MLLT10: variants seen among roughly 807,000 people sequenced by gnomAD.
The protein encoded by MLLT10 is MLLT10 histone lysine methyltransferase DOT1L cofactor, also known as protein AF-10.
A neutral mutation model predicts 129.1 loss-of-function variants in MLLT10; 30 were observed. The observed-to-expected ratio is 0.23, with a 90% CI of 0.17 to 0.32. The LOEUF (loss-of-function observed/expected upper bound fraction) is 0.32. MLLT10 is among the 10% of genes least tolerant of loss of function. The pLI, the probability that MLLT10 is intolerant of heterozygous loss-of-function variation, is 1.00. For missense variants in MLLT10, 1,119 were observed against 1,268.3 expected (o/e 0.88, Z 1.79); for synonymous variants, 490 against 446.4 (o/e 1.10, Z -1.23).
intron 8 of MLLT10, among the ~76,000 whole-genome samples, chr10:21,621,537 G>A (rs1194550525): frequency 2.6e-5 from 4 of 152,020 alleles, no homozygotes; most frequent in Non-Finnish European, 5.9e-5. Flanking sequence ...GAGCTACCGC[G>A]CCCAGCCAAG....
chr10:21,624,914 A>G, intron 8 of MLLT10: 1 of 1,304,046 alleles, frequency 7.7e-7, no homozygotes, highest in South Asian at 1.4e-5. Context: ...GTGAATAGCC[A>G]GCTCTACCTC....
At position 21,534,479 on chromosome 10, in the gene MLLT10, G is replaced by C. The variant is rs1233424856; in HGVS notation, c.-42G>C. ...GGGAATCAGCAAGGACATGGCTCCT[G>C]ACTCCTGTGCGGAACGTGAGTGACT... On this transcript the variant is annotated 5_prime_UTR_variant, in exon 1 of 23. Transcript: ENST00000307729. The C allele has an allele frequency of 3.0e-5, 19 of 641,168 alleles. No individual in the cohort carries two copies. The highest frequency in any genetic ancestry group is 9.3e-5 in the East Asian group (3 of 32,288). The allele number at this position is 641,168 out of a possible 1,614,324, so 39.7% of individuals were successfully genotyped here.
intron 4 of MLLT10, among the ~76,000 whole-genome samples, chr10:21,592,133 C>A (rs1425789756): frequency 6.6e-6 from 1 of 152,122 alleles, no homozygotes; most frequent in Non-Finnish European, 1.5e-5. Context: ...ATTCACAAAC[C>A]CTACCAGTGT....
intron 3 of MLLT10, chr10:21,556,577 G>T: frequency 7.8e-7 from 1 of 1,285,092 alleles, no homozygotes; most frequent in Non-Finnish European, 1.1e-6. Flanking sequence ...CAGTTTTCTA[G>T]GGCAGGTGAG....
intron 9 of MLLT10, among the ~76,000 whole-genome samples, chr10:21,669,871 C>G (rs1016023182): frequency 5.3e-5 from 8 of 152,092 alleles, no homozygotes; most frequent in Non-Finnish European, 1.2e-4. Context: ...CGATATATAA[C>G]TTTTTCCTCA....
chr10:21,704,357 C>CTCTATATATA (rs1343170893), intron 13 of MLLT10, among the ~76,000 whole-genome samples: 1 of 111,882 alleles, frequency 8.9e-6, no homozygotes. Flanking sequence ...CTCTCTCTCT[C>CTCTATATATA]TATATATATA....
intron 21 of MLLT10, among the ~76,000 whole-genome samples, chr10:21,739,568 T>TGC (rs2058662651): frequency 6.6e-6 from 1 of 152,214 alleles, no homozygotes; most frequent in Non-Finnish European, 1.5e-5. Context: ...CCAAAAGCAG[T>TGC]GCCTGGCACC....
chr10:21,659,450 G>A (rs1448119661), intron 9 of MLLT10, among the ~76,000 whole-genome samples: 6 of 151,748 alleles, frequency 4.0e-5, no homozygotes, highest in African/African-American at 1.5e-4. Context: ...TCAGTGGTTC[G>A]TTGGTGAAAG....
chr10:21,533,967 A>C (rs977672165), upstream of MLLT10, among the ~76,000 whole-genome samples: 28 of 151,670 alleles, frequency 1.8e-4, no homozygotes, highest in Non-Finnish European at 4.4e-5. Flanking sequence ...CGACGCTCAC[A>C]CGCGGCCCGC....
chr10:21,643,223 G>A (rs2048184614), intron 8 of MLLT10, among the ~76,000 whole-genome samples: 1 of 152,078 alleles, frequency 6.6e-6, no homozygotes, highest in African/African-American at 2.4e-5. Context: ...AGTAGAGATG[G>A]GATTTTACCA....
chr10:21,722,165 A>G (rs2057180180), intron 14 of MLLT10, among the ~76,000 whole-genome samples: 1 of 152,142 alleles, frequency 6.6e-6, no homozygotes, highest in Admixed American at 6.6e-5. Flanking sequence ...AGTTACAAGG[A>G]CAGTACAGAG....
rs369601072 is a variant in MLLT10 at position 21,673,687 on chromosome 10, A to G, written c.1389A>G (p.Val463=). ...AQTSGIEEET[V]KEKKRKGNKQ... is the part of the protein sequence containing the mutation. ...CTTCTGGCATAGAAGAAGAAACTGT[A>G]AAGGAAAAGAAAAGGAAAGGAAATA... Residue 463 remains valine, a synonymous_variant, in exon 11 of 23, where the codon GTA becomes GTG. Transcript: ENST00000307729. 7.3e-5 allele frequency: 118 copies of G among 1,614,030 alleles called. No individual in the cohort carries two copies. The highest frequency in any genetic ancestry group is 8.5e-5 in the Non-Finnish European group (100 of 1,180,026).
chr10:21,715,202 G>C (rs1365605070), intron 14 of MLLT10, among the ~76,000 whole-genome samples: 1 of 152,150 alleles, frequency 6.6e-6, no homozygotes, highest in Non-Finnish European at 1.5e-5. Context: ...ACAATGTTAG[G>C]TTATTTTGAT....
At chr10:21,588,918 C>G (rs984467306) in intron 4 of MLLT10, among the ~76,000 whole-genome samples, 4 of 151,506 alleles carry the variant, frequency 2.6e-5, no homozygotes, top group Non-Finnish European at 5.9e-5. Context: ...CTGCCTCCCC[C>G]TTTCAAGGGA....
chr10:21,616,333 G>A (rs2045249323), intron 7 of MLLT10, among the ~76,000 whole-genome samples: 1 of 151,914 alleles, frequency 6.6e-6, no homozygotes, highest in South Asian at 2.1e-4. Flanking sequence ...TTTGATAGTT[G>A]GGAAAAATAT....
rs116700997 is a variant in MLLT10, at chr10:21,731,683, A to G, written c.2218+629A>G. ...TTAGTATATATTATGCTTATCATCT[A>G]TTGGATTATAGAGCATGTACTATAT... is the stretch of plus-strand genomic sequence containing the variant. On this transcript the variant is annotated intron_variant, in intron 17 of 22. Coordinates refer to ENST00000307729, the MANE Select transcript of MLLT10 (RefSeq NM_001195626.3). 2.7e-3 allele frequency among the ~76,000 whole-genome samples: 409 copies of G among 152,276 alleles called. 1 individual carries two copies. Among genetic ancestry groups the G allele is most frequent in the African/African-American group, 9.5e-3 (393 of 41,546 alleles).
intron 14 of MLLT10, among the ~76,000 whole-genome samples, chr10:21,715,119 T>C (rs1437955003): frequency 6.6e-6 from 1 of 152,282 alleles, no homozygotes; most frequent in African/African-American, 2.4e-5. Context: ...TCCTGTCAAC[T>C]TGAGCTTTAT....
chr10:21,611,095 C>T (rs1288395190), intron 5 of MLLT10, among the ~76,000 whole-genome samples: 4 of 144,862 alleles, frequency 2.8e-5, no homozygotes, highest in Admixed American at 7.1e-5. Flanking sequence ...CTCCCTGGTT[C>T]AAGCGACTCT....
intron 9 of MLLT10, among the ~76,000 whole-genome samples, chr10:21,663,138 G>A (rs999888758): frequency 6.6e-5 from 10 of 152,118 alleles, no homozygotes; most frequent in South Asian, 6.2e-4. Context: ...CTCTGTCTCC[G>A]GTATTCACTC....
Sources: gnomAD v4.1 joint callset for allele counts (sites outside exome capture counted in the v4.1 genomes callset) on GRCh38, gnomAD v4.1.1 for gene constraint, MANE v1.5 for transcripts, NCBI Gene and HGNC (gene_info 2026-07-23, HGNC 2026-07-21) for gene names.